PSD3: variants seen among roughly 807,000 people sequenced by gnomAD.
PSD3 encodes PH and SEC7 domain-containing protein 3.
In PSD3, 49 loss-of-function variants were observed where a neutral mutation model predicts 105.5. The observed-to-expected ratio is 0.46, with a 90% CI of 0.37 to 0.59. The LOEUF (loss-of-function observed/expected upper bound fraction) is 0.59, where lower values mean the gene tolerates loss of function less well. PSD3 is among the 20% of genes least tolerant of loss of function. PSD3 has a pLI of 0.00. For missense variants in PSD3, 1,561 were observed against 1,263.8 expected, an observed-to-expected ratio of 1.24 and a Z score of -3.57; for synonymous variants, 557 against 457.8, an observed-to-expected ratio of 1.22 and a Z score of -2.77.
intron 6 of PSD3, chr8:18,802,425 AC>A (rs552268567): frequency 2.5e-4 from 84 of 338,562 alleles, no homozygotes; most frequent in African/African-American, 1.5e-3. Flanking sequence ...TAAAAAACAT[AC>A]CATGAGCCTC....
At chr8:18,761,990 T>C (rs747162158) in intron 9 of PSD3, among the ~76,000 whole-genome samples, 3 of 152,176 alleles carry the variant, frequency 2.0e-5, no homozygotes, top group Non-Finnish European at 4.4e-5. Flanking sequence ...AGAATGTCTT[T>C]GGGTGAAAGA....
intron 14 of PSD3, among the ~76,000 whole-genome samples, chr8:18,561,181 T>C (rs1398994541): frequency 1.3e-5 from 2 of 152,176 alleles, no homozygotes; most frequent in Non-Finnish European, 2.9e-5. Context: ...AGGGAACAGC[T>C]CTTGGCTGCA....
At chr8:18,742,466 C>A (rs1304346590) in intron 9 of PSD3, among the ~76,000 whole-genome samples, 2 of 152,108 alleles carry the variant, frequency 1.3e-5, no homozygotes, top group African/African-American at 2.4e-5. Context: ...AATCGTGAAA[C>A]AAACTGATGT....
At position 19,037,790 on chromosome 8, in the gene PSD3, A is replaced by G. The variant is rs1827992868; in HGVS notation, c.324+46416T>C. Among the ~76,000 whole-genome samples, 4 of 152,140 alleles carry G rather than the reference A, an allele frequency of 2.6e-5. No individual in the cohort carries two copies. In the South Asian group the frequency reaches 6.2e-4, roughly 24 times the overall value. ...TCTCAGACCTTCGGACTTGGACTGA[A>G]TTATACCACCAGCTTTCTTGGTTTT... On this transcript the variant is annotated intron_variant, in intron 1 of 1. Coordinates refer to the PSD3 transcript ENST00000521475.
At chr8:18,627,009 T>A (rs1319668660) in intron 11 of PSD3, among the ~76,000 whole-genome samples, 1 of 151,646 alleles carries the variant, frequency 6.6e-6, no homozygotes, top group Admixed American at 6.6e-5. Context: ...GTTCTGCTTA[T>A]GCCCAAGAAA....
At chr8:18,796,819 T>G (rs10503635) in intron 8 of PSD3, among the ~76,000 whole-genome samples, 48 of 152,166 alleles carry the variant, frequency 3.2e-4, no homozygotes, top group African/African-American at 1.1e-3. Context: ...GATTAGTGTA[T>G]TCCCCATGAA....
intron 11 of PSD3, among the ~76,000 whole-genome samples, chr8:18,615,799 A>C (rs1025702448): frequency 6.6e-6 from 1 of 152,326 alleles, no homozygotes; most frequent in African/African-American, 2.4e-5. Flanking sequence ...AGGTTTCCTC[A>C]ACCTCTGAAG....
intron 1 of PSD3, among the ~76,000 whole-genome samples, chr8:18,991,371 C>T (rs199743343): frequency 6.7e-4 from 29 of 43,084 alleles, no homozygotes; most frequent in Middle Eastern, 0.013. Flanking sequence ...CACACACACA[C>T]ATACACACAC....
intron 1 of PSD3, among the ~76,000 whole-genome samples, chr8:18,981,784 A>G (rs765944575): frequency 2.7e-5 from 4 of 149,460 alleles, no homozygotes; most frequent in Non-Finnish European, 6.0e-5. Flanking sequence ...AAAATACTTT[A>G]TTGCTAAAAA....
chr8:18,820,895 G>A (rs371617508), intron 4 of PSD3, among the ~76,000 whole-genome samples: 2 of 151,756 alleles, frequency 1.3e-5, no homozygotes, highest in African/African-American at 2.4e-5. Flanking sequence ...GACCACAGGC[G>A]TGAGTCACAA....
chr8:18,549,909 T>C (rs1000782129), intron 15 of PSD3, among the ~76,000 whole-genome samples: 8 of 152,220 alleles, frequency 5.3e-5, no homozygotes, highest in African/African-American at 1.7e-4. Flanking sequence ...AGGGATCTTA[T>C]CAGCTAATTC....
chr8:18,963,972 C>T (rs190377855), intron 1 of PSD3, among the ~76,000 whole-genome samples: 11 of 152,126 alleles, frequency 7.2e-5, no homozygotes, highest in Middle Eastern at 3.4e-3. Context: ...GCTTTCTTCA[C>T]GAAGAGAAGA....
intron 9 of PSD3, among the ~76,000 whole-genome samples, chr8:18,760,667 G>A (rs1040779785): frequency 3.9e-5 from 6 of 152,118 alleles, no homozygotes; most frequent in African/African-American, 7.2e-5. Flanking sequence ...TCCGTATCTG[G>A]GCTGTTATGA....
At chr8:19,033,387 T>G (rs1827834911) in intron 1 of PSD3, among the ~76,000 whole-genome samples, 1 of 152,188 alleles carries the variant, frequency 6.6e-6, no homozygotes, top group South Asian at 2.1e-4. Flanking sequence ...GGTATTTTTC[T>G]TTTGTCTTTT....
chr8:18,901,246 A>G (rs929246926), intron 2 of PSD3, among the ~76,000 whole-genome samples: 4 of 152,202 alleles, frequency 2.6e-5, no homozygotes, highest in African/African-American at 7.2e-5. Context: ...AAATTAAACA[A>G]CATATTTATT....
At chr8:19,063,344 T>G (rs978179273) in intron 1 of PSD3, among the ~76,000 whole-genome samples, 5 of 152,354 alleles carry the variant, frequency 3.3e-5, no homozygotes, top group Admixed American at 3.3e-4. Flanking sequence ...TTTGAAAATA[T>G]GAAGGAATAA....
rs1046894900 is a variant in PSD3 at position 18,695,614 on chromosome 8, A to C, written c.2173-39929T>G. ...AAAAAACACCCTTAAACATTCCTCCAAGTACATGAAACAGAACATAACCAT... is the reference window on the plus strand; with the variant it reads ...AAAAAACACCCTTAAACATTCCTCCCAGTACATGAAACAGAACATAACCAT... On this transcript the variant is annotated intron_variant, in intron 9 of 15. Coordinates refer to ENST00000327040, the MANE Select transcript of PSD3 (RefSeq NM_015310.4). Among the ~76,000 whole-genome samples, 6 of 152,330 alleles carry C rather than the reference A, an allele frequency of 3.9e-5. No homozygotes were observed. In the East Asian group the frequency reaches 1.2e-3, roughly 29 times the overall value.
At chr8:18,545,252 T>C (rs1255002873) in intron 15 of PSD3, among the ~76,000 whole-genome samples, 1 of 152,192 alleles carries the variant, frequency 6.6e-6, no homozygotes, top group Non-Finnish European at 1.5e-5. Context: ...CACATTTTAT[T>C]TTCTAGGTGG....
At chr8:18,623,925 T>C (rs1806303213) in intron 11 of PSD3, among the ~76,000 whole-genome samples, 1 of 152,168 alleles carries the variant, frequency 6.6e-6, no homozygotes, top group South Asian at 2.1e-4. Flanking sequence ...TGCAAGCCGC[T>C]TTTTTTCATT....
Sources: gnomAD v4.1 joint callset for allele counts (sites outside exome capture counted in the v4.1 genomes callset) on GRCh38, gnomAD v4.1.1 for gene constraint, MANE v1.5 for transcripts, NCBI Gene and HGNC (gene_info 2026-07-23, HGNC 2026-07-21) for gene names.